Variants in SSBP3 observed in about 807,000 individuals in gnomAD.
SSBP3 encodes the protein single stranded DNA binding protein 3.
A neutral mutation model predicts 69.6 loss-of-function variants in SSBP3; 5 were observed. The ratio of observed to expected loss-of-function variants is 0.07; its 90% CI spans 0.04 to 0.15. SSBP3 has a LOEUF of 0.15. Ranked by LOEUF, SSBP3 falls within the 10% of genes least tolerant of loss-of-function variation. The pLI is 1.00. For synonymous variants in SSBP3, 196 were observed against 193.4 expected (o/e 1.01, Z -0.11); for missense variants, 312 against 534.0 (o/e 0.58, Z 4.10).
intron 4 of SSBP3, among the ~76,000 whole-genome samples, chr1:54,319,514 G>A (rs1482286201): frequency 6.6e-6 from 1 of 152,126 alleles, no homozygotes; most frequent in African/African-American, 2.4e-5. Flanking sequence ...CACAGAAGCA[G>A]CAGGAGCCTC....
Position 54,355,546 on chromosome 1 carries a change from A to C in SSBP3, c.276+46315T>G, listed in dbSNP as rs185232564. ...GTATTTTTAGTAGAAACAGGGTTTC[A>C]CCATGTTGGCCAGGCTGGTCTGGAA... On this transcript the variant is annotated intron_variant, in intron 4 of 17. Transcript: ENST00000610401. Among the ~76,000 whole-genome samples, 17 of 152,206 alleles carry C rather than the reference A, an allele frequency of 1.1e-4. No homozygotes were observed. The East Asian group carries it at 3.3e-3, about 29-fold the overall frequency.
At chr1:54,304,887 CAG>C (rs1645869514) in intron 4 of SSBP3, among the ~76,000 whole-genome samples, 1 of 152,152 alleles carries the variant, frequency 6.6e-6, no homozygotes, top group Admixed American at 6.5e-5. Context: ...CACAGATAAA[CAG>C]AGAAACACAT....
At chr1:54,301,143 C>T (rs7523947) in intron 4 of SSBP3, among the ~76,000 whole-genome samples, 50,815 of 152,014 alleles carry the variant, frequency 0.33, 8,925 homozygotes, top group South Asian at 0.55. Flanking sequence ...AGAGGTCACT[C>T]GGCAAGGTTA....
At chr1:54,246,385 T>C (rs1182921522) in intron 9 of SSBP3, among the ~76,000 whole-genome samples, 1 of 152,202 alleles carries the variant, frequency 6.6e-6, no homozygotes, top group Non-Finnish European at 1.5e-5. Flanking sequence ...ACAGCCCAGC[T>C]GACTAGAGAG....
rs869039822 is a variant in SSBP3, at chr1:54,337,485, C to CTTTTTTTTTTT, written c.277-55969_277-55959dup. Among the ~76,000 whole-genome samples, 278 of 51,162 alleles carry CTTTTTTTTTTT rather than the reference C, an allele frequency of 5.4e-3. 54 individuals carry two copies. Among genetic ancestry groups the CTTTTTTTTTTT allele is most frequent in the East Asian group, 0.021 (23 of 1,070 alleles). The allele number at this position is 51,162 out of a possible 152,430, so 33.6% of individuals were successfully genotyped here. On this transcript the variant is annotated intron_variant, in intron 4 of 17. Coordinates refer to ENST00000610401, the Ensembl canonical transcript of SSBP3. The stretch of plus-strand genomic sequence containing the variant: ...ACCAAAGCATTTTGTTTTCCTCAAG[C>CTTTTTTTTTTT]TTTTTTTTTTTTTTTTTTTTTTTTT...
At chr1:54,274,135 A>C (rs1170902817) in intron 5 of SSBP3, among the ~76,000 whole-genome samples, 3 of 152,182 alleles carry the variant, frequency 2.0e-5, no homozygotes, top group African/African-American at 7.2e-5. Flanking sequence ...CCCCACCTGC[A>C]GGGAAGCAGA....
intron 4 of SSBP3, among the ~76,000 whole-genome samples, chr1:54,365,703 C>T (rs1403847161): frequency 6.6e-6 from 1 of 152,190 alleles, no homozygotes; most frequent in Non-Finnish European, 1.5e-5. Context: ...TACCCCCTCA[C>T]CTGGAAAGCC....
intron 4 of SSBP3, among the ~76,000 whole-genome samples, chr1:54,383,433 T>C (rs539059677): frequency 2.1e-4 from 32 of 151,692 alleles, no homozygotes; most frequent in African/African-American, 7.5e-4. Context: ...TGTACTACAG[T>C]GTGGCTAGAC....
At chr1:54,322,516 T>C (rs1646231871) in intron 4 of SSBP3, among the ~76,000 whole-genome samples, 1 of 152,074 alleles carries the variant, frequency 6.6e-6, no homozygotes, top group South Asian at 2.1e-4. Flanking sequence ...CATCTGATAA[T>C]GCACCTGGCC....
intron 7 of SSBP3, among the ~76,000 whole-genome samples, chr1:54,254,136 T>C (rs1644879012): frequency 6.6e-6 from 1 of 152,214 alleles, no homozygotes; most frequent in Non-Finnish European, 1.5e-5. Flanking sequence ...GGGACCATAA[T>C]TACACGCTGT....
chr1:54,404,773 G>T, intron 2 of SSBP3, 85 bp downstream of exon 2: 1 of 1,040,924 alleles, frequency 9.6e-7, no homozygotes, highest in Non-Finnish European at 1.4e-6. Context: ...GGTGGCCACA[G>T]TGGCTGCTCC....
At position 54,352,181 on chromosome 1, in the gene SSBP3, AAC is replaced by A. The variant is rs199836382; in HGVS notation, c.276+49678_276+49679del. ...AACCCCACCCCCGCCCCCCAAAAAA[AAC>A]AGTCCCCTCAGTCTGAAGAGCCTTG... On this transcript the variant is annotated intron_variant, in intron 4 of 17. Transcript: ENST00000610401. 7.4e-3 allele frequency among the ~76,000 whole-genome samples: 1,045 copies of A among 141,748 alleles called. 9 individuals carry two copies. The highest frequency in any genetic ancestry group is 0.026 in the African/African-American group (992 of 38,338). The allele number at this position is 141,748 out of a possible 152,430, so 93.0% of individuals were successfully genotyped here.
At chr1:54,239,343 T>A in intron 13 of SSBP3, 144 bp from the exon 14 acceptor site, 2 of 659,426 alleles carry the variant, frequency 3.0e-6, no homozygotes, top group Non-Finnish European at 5.1e-6. Context: ...AATTTGTATT[T>A]AATGAAGATT....
chr1:54,242,314 A>C, intron 10 of SSBP3, 102 bp from the exon 11 acceptor site: 2 of 1,390,782 alleles, frequency 1.4e-6, no homozygotes, highest in Non-Finnish European at 2.0e-6. Context: ...TCACAACAGG[A>C]AGTCCTTCCT....
intron 4 of SSBP3, among the ~76,000 whole-genome samples, chr1:54,387,068 C>T (rs966791551): frequency 6.6e-6 from 1 of 152,158 alleles, no homozygotes; most frequent in African/African-American, 2.4e-5. Context: ...ACATCCGTTC[C>T]ATCCGTCTGT....
intron 4 of SSBP3, among the ~76,000 whole-genome samples, chr1:54,342,579 G>C (rs1156475877): frequency 3.9e-5 from 6 of 152,116 alleles, no homozygotes; most frequent in Non-Finnish European, 8.8e-5. Flanking sequence ...ACCTACCGTG[G>C]TAAAGCCCAG....
At chr1:54,310,529 C>T (rs1263014581) in intron 4 of SSBP3, among the ~76,000 whole-genome samples, 1 of 152,124 alleles carries the variant, frequency 6.6e-6, no homozygotes, top group East Asian at 1.9e-4. Context: ...GTTTTCTACC[C>T]GCCTTTTAAA....
chr1:54,318,601 C>T (rs193206440), intron 4 of SSBP3, among the ~76,000 whole-genome samples: 260 of 152,182 alleles, frequency 1.7e-3, no homozygotes, highest in Middle Eastern at 3.4e-3. Context: ...AGCTCTCTGC[C>T]GAGTCTCACC....
chr1:54,305,519 G>A (rs564745247), intron 4 of SSBP3, among the ~76,000 whole-genome samples: 13 of 151,988 alleles, frequency 8.6e-5, no homozygotes, highest in Non-Finnish European at 1.8e-4. Flanking sequence ...GAAAGTTTCA[G>A]GCTCCAGGCC....
Sources: allele counts gnomAD v4.1 joint callset (sites outside exome capture counted in the v4.1 genomes callset), GRCh38; gene constraint gnomAD v4.1.1; transcripts MANE v1.5; gene names NCBI Gene and HGNC (gene_info 2026-07-23, HGNC 2026-07-21).